Variants in BNC2 observed in about 807,000 individuals in gnomAD.
BNC2 encodes the protein basonuclin zinc finger protein 2.
In BNC2, 20 loss-of-function variants were observed where a neutral mutation model predicts 76.3. The observed-to-expected ratio is 0.26, with a 90% CI of 0.18 to 0.38. The LOEUF (loss-of-function observed/expected upper bound fraction) is 0.38. Ranked by LOEUF, BNC2 falls within the 10% of genes least tolerant of loss-of-function variation. BNC2 has a pLI of 1.00. For missense variants in BNC2, 1,382 were observed against 1,399.8 expected, an observed-to-expected ratio of 0.99 and a Z score of 0.20; for synonymous variants, 582 against 514.8, an observed-to-expected ratio of 1.13 and a Z score of -1.77.
chr9:16,520,467 T>C (rs959736755), intron 5 of BNC2, among the ~76,000 whole-genome samples: 4 of 152,234 alleles, frequency 2.6e-5, no homozygotes, highest in African/African-American at 7.2e-5. Context: ...ATGAGATTCC[T>C]ATTCCTCTGC....
At chr9:16,755,414 C>T (rs1214789216) in intron 1 of BNC2, among the ~76,000 whole-genome samples, 1 of 152,166 alleles carries the variant, frequency 6.6e-6, no homozygotes, top group Non-Finnish European at 1.5e-5. Context: ...GTGATGTAAA[C>T]TTTTAGCTAC....
chr9:16,530,905 G>C (rs1178245088), intron 5 of BNC2, among the ~76,000 whole-genome samples: 2 of 152,138 alleles, frequency 1.3e-5, no homozygotes, highest in Admixed American at 6.5e-5. Flanking sequence ...CACGGTGCCT[G>C]ATAATTATGG....
intron 3 of BNC2, among the ~76,000 whole-genome samples, chr9:16,594,135 C>T (rs1031608700): frequency 2.0e-5 from 3 of 152,064 alleles, no homozygotes; most frequent in Non-Finnish European, 4.4e-5. Context: ...AACCTTTAAG[C>T]ACTTTACAAA....
At chr9:16,604,514 G>A (rs925800931) in intron 3 of BNC2, among the ~76,000 whole-genome samples, 1 of 152,090 alleles carries the variant, frequency 6.6e-6, no homozygotes, top group Admixed American at 6.6e-5. Context: ...TGGTTAAAAT[G>A]GGCTGGGCAC....
chr9:16,448,425 G>T (rs1054574288), intron 5 of BNC2, among the ~76,000 whole-genome samples: 1 of 152,064 alleles, frequency 6.6e-6, no homozygotes, highest in South Asian at 2.1e-4. Context: ...TATCTTTGAG[G>T]TTCCATAAGG....
chr9:16,439,632 A>G (rs1009928952), intron 5 of BNC2, among the ~76,000 whole-genome samples: 1 of 152,198 alleles, frequency 6.6e-6, no homozygotes, highest in African/African-American at 2.4e-5. Flanking sequence ...CAACCTGTGG[A>G]TGTAAAATTC....
intron 5 of BNC2, among the ~76,000 whole-genome samples, chr9:16,465,641 A>G (rs1306542473): frequency 2.0e-5 from 3 of 152,198 alleles, no homozygotes; most frequent in Non-Finnish European, 4.4e-5. Context: ...CCTTATAAAT[A>G]TATTACACAT....
At chr9:16,718,575 T>C (rs1235375539) in intron 3 of BNC2, among the ~76,000 whole-genome samples, 1 of 152,174 alleles carries the variant, frequency 6.6e-6, no homozygotes, top group African/African-American at 2.4e-5. Context: ...TTCTAATTTA[T>C]CTGAAGTAAG....
At chr9:16,657,373 T>C (rs1364560510) in intron 3 of BNC2, among the ~76,000 whole-genome samples, 1 of 152,132 alleles carries the variant, frequency 6.6e-6, no homozygotes, top group Non-Finnish European at 1.5e-5. Context: ...TGGCATCAAA[T>C]GTCACAGAGA....
chr9:16,677,950 T>C (rs1401843708), intron 3 of BNC2, among the ~76,000 whole-genome samples: 1 of 152,164 alleles, frequency 6.6e-6, no homozygotes, highest in African/African-American at 2.4e-5. Context: ...GATATAAATC[T>C]TTTAACTAGT....
rs1022910434 is a variant in BNC2 at position 16,459,747 on chromosome 9, G to C, written c.670-22223C>G. ...ACAAAGATGTCCCAATTAATCACAA[G>C]TTAGTCTAGTGGAAAGTTGGGGCTT... On this transcript the variant is annotated intron_variant, in intron 5 of 6. Transcript: ENST00000380672. Among the ~76,000 whole-genome samples, 119 of 152,094 alleles carry C rather than the reference G, an allele frequency of 7.8e-4. 1 individual carries two copies. The highest frequency in any genetic ancestry group is 1.6e-4 in the Non-Finnish European group (11 of 68,014).
chr9:16,752,542 G>A (rs1825251848), intron 1 of BNC2, among the ~76,000 whole-genome samples: 2 of 152,290 alleles, frequency 1.3e-5, no homozygotes, highest in South Asian at 4.1e-4. Flanking sequence ...TTCTTACGCA[G>A]TCTTAGAGAA....
intron 3 of BNC2, among the ~76,000 whole-genome samples, chr9:16,711,056 T>C (rs1823823601): frequency 6.6e-6 from 1 of 151,942 alleles, no homozygotes; most frequent in Admixed American, 6.6e-5. Context: ...TGAGAGCAGA[T>C]GAATTAGTGC....
At chr9:16,640,920 G>A (rs1385230214) in intron 3 of BNC2, among the ~76,000 whole-genome samples, 1 of 152,102 alleles carries the variant, frequency 6.6e-6, no homozygotes, top group African/African-American at 2.4e-5. Context: ...AAAGAGAGGT[G>A]TCTAAGAACT....
chr9:16,636,959 T>C (rs1181769810), intron 3 of BNC2, among the ~76,000 whole-genome samples: 1 of 151,730 alleles, frequency 6.6e-6, no homozygotes, highest in Non-Finnish European at 1.5e-5. Flanking sequence ...TTTTTAAAGC[T>C]CACATAGTGC....
chr9:16,418,981 T>C lies in BNC2; in HGVS notation c.*8A>G. 6.2e-7 allele frequency: 1 copy of C among 1,613,988 alleles called. No homozygotes were observed. Among genetic ancestry groups the C allele is most frequent in the Non-Finnish European group, 8.5e-7 (1 of 1,179,978 alleles). ...TGAGAGCTGGCATTTGTAGTGTCCATTCTGAGACTAATCTACTGAAGTGAA... is the reference window on the plus strand; with the variant it reads ...TGAGAGCTGGCATTTGTAGTGTCCACTCTGAGACTAATCTACTGAAGTGAA... On this transcript the variant is annotated 3_prime_UTR_variant, in exon 7 of 7. Coordinates refer to ENST00000380672, the MANE Select transcript of BNC2 (RefSeq NM_017637.6).
chr9:16,618,349 A>G (rs187446489), intron 3 of BNC2, among the ~76,000 whole-genome samples: 2 of 152,326 alleles, frequency 1.3e-5, no homozygotes, highest in East Asian at 3.9e-4. Context: ...AACAGCATAG[A>G]GAAAGCTATC....
chr9:16,724,087 T>A (rs1264293572), intron 3 of BNC2, among the ~76,000 whole-genome samples: 5 of 152,030 alleles, frequency 3.3e-5, no homozygotes, highest in Non-Finnish European at 5.9e-5. Flanking sequence ...AAAAAAGACC[T>A]TATTAAGGGA....
At chr9:16,647,216 C>A (rs1821655743) in intron 3 of BNC2, among the ~76,000 whole-genome samples, 1 of 152,104 alleles carries the variant, frequency 6.6e-6, no homozygotes, top group African/African-American at 2.4e-5. Flanking sequence ...CAATTAACTC[C>A]ACTCTTTGTT....
Sources: allele counts gnomAD v4.1 joint callset (sites outside exome capture counted in the v4.1 genomes callset), GRCh38; gene constraint gnomAD v4.1.1; transcripts MANE v1.5; gene names NCBI Gene and HGNC (gene_info 2026-07-23, HGNC 2026-07-21).